ANKS1B: variants seen among roughly 807,000 people sequenced by gnomAD.
ANKS1B encodes ankyrin repeat and sterile alpha motif domain containing 1B.
Under a neutral mutation model 148.3 loss-of-function variants are expected in ANKS1B, and 36 were observed. That is an observed-to-expected ratio of 0.24 (90% CI 0.19 to 0.32). The LOEUF (loss-of-function observed/expected upper bound fraction) is 0.32. Ranked by LOEUF, ANKS1B falls within the 10% of genes least tolerant of loss-of-function variation. The probability of loss-of-function intolerance (pLI) is 1.00; values close to 1 mark genes in which losing one functional copy is unlikely to be tolerated. For synonymous variants in ANKS1B, 542 were observed against 560.8 expected (o/e 0.97, Z 0.47); for missense variants, 1,157 against 1,542.6 (o/e 0.75, Z 4.19).
intron 14 of ANKS1B, among the ~76,000 whole-genome samples, chr12:99,228,799 T>A (rs2086369379): frequency 6.6e-6 from 1 of 151,990 alleles, no homozygotes. Flanking sequence ...CTATTTTGAC[T>A]CAAAACTGAT....
chr12:99,666,207 C>T (rs75057130), intron 8 of ANKS1B, among the ~76,000 whole-genome samples: 2,924 of 152,182 alleles, frequency 0.019, 106 homozygotes, highest in African/African-American at 0.066. Context: ...CATTGATAGA[C>T]GTTTATAAGC....
intron 17 of ANKS1B, among the ~76,000 whole-genome samples, chr12:99,013,883 G>C (rs1235040424): frequency 6.6e-6 from 1 of 152,030 alleles, no homozygotes; most frequent in Non-Finnish European, 1.5e-5. Context: ...CAAACAAAGG[G>C]AAAAACAATC....
At chr12:99,813,464 G>T (rs1372465092) in intron 2 of ANKS1B, among the ~76,000 whole-genome samples, 2 of 151,204 alleles carry the variant, frequency 1.3e-5, no homozygotes, top group African/African-American at 4.8e-5. Context: ...GAACATAACA[G>T]ATTTACATTT....
chr12:98,972,462 T>C (rs559498534), intron 17 of ANKS1B, among the ~76,000 whole-genome samples: 31 of 152,320 alleles, frequency 2.0e-4, no homozygotes, highest in African/African-American at 6.5e-4. Flanking sequence ...ATGGTAAGGT[T>C]GACTGTATCA....
At chr12:99,028,240 C>G (rs893659600) in intron 17 of ANKS1B, among the ~76,000 whole-genome samples, 1 of 152,180 alleles carries the variant, frequency 6.6e-6, no homozygotes, top group Admixed American at 6.5e-5. Context: ...CTTTTCTATT[C>G]CTCCTGCAAT....
intron 11 of ANKS1B, among the ~76,000 whole-genome samples, chr12:99,419,199 A>T (rs1433617967): frequency 6.6e-6 from 1 of 152,128 alleles, no homozygotes; most frequent in Non-Finnish European, 1.5e-5. Flanking sequence ...TCTTCTTTAA[A>T]TGTTGTTATA....
intron 14 of ANKS1B, among the ~76,000 whole-genome samples, chr12:99,159,694 A>G (rs913506834): frequency 6.6e-6 from 1 of 152,176 alleles, no homozygotes; most frequent in Non-Finnish European, 1.5e-5. Context: ...TGAACATATG[A>G]GCACAGATAC....
chr12:99,220,445 ATTTC>A lies in ANKS1B; in HGVS notation c.2419+23893_2419+23896del, dbSNP rs1425296491. On this transcript the variant is annotated intron_variant, in intron 14 of 26. Coordinates refer to ENST00000683438, the MANE Select transcript of ANKS1B (RefSeq NM_001352186.2). ...GCATCAAGCATACAATAAAAGTAGCATTTCTTTTTTTTTTTTTTTTTTTTGAGAT... is the reference window on the plus strand; with the variant it reads ...GCATCAAGCATACAATAAAAGTAGCATTTTTTTTTTTTTTTTTTTTGAGAT... 5.9e-5 allele frequency among the ~76,000 whole-genome samples: 8 copies of A among 135,798 alleles called. No homozygotes were observed. The East Asian group carries it at 1.6e-3, about 27-fold the overall frequency. 89.1% of individuals were successfully genotyped at this position (135,798 alleles called of 152,430 possible).
chr12:98,945,261 C>T (rs867855308), intron 17 of ANKS1B, among the ~76,000 whole-genome samples: 18 of 152,024 alleles, frequency 1.2e-4, no homozygotes, highest in South Asian at 1.0e-3. Flanking sequence ...TTTGGGAGAT[C>T]GAGATGGGCA....
At chr12:99,110,934 G>A (rs1380882017) in intron 15 of ANKS1B, among the ~76,000 whole-genome samples, 2 of 152,092 alleles carry the variant, frequency 1.3e-5, no homozygotes, top group Non-Finnish European at 2.9e-5. Context: ...TGCCTTTTCT[G>A]CTCTCCATTC....
chr12:99,210,351 C>T (rs1399409256), intron 14 of ANKS1B, among the ~76,000 whole-genome samples: 1 of 152,160 alleles, frequency 6.6e-6, no homozygotes, highest in Non-Finnish European at 1.5e-5. Flanking sequence ...AAACTCTTAG[C>T]CCTCTTAATT....
downstream of ANKS1B, among the ~76,000 whole-genome samples, chr12:98,743,356 A>G (rs568954215): frequency 1.3e-5 from 2 of 152,314 alleles, no homozygotes; most frequent in East Asian, 1.9e-4. Flanking sequence ...CAGATTTATC[A>G]TAGAATACAA....
chr12:99,315,105 T>C (rs957738995), intron 12 of ANKS1B, among the ~76,000 whole-genome samples: 2 of 151,628 alleles, frequency 1.3e-5, no homozygotes, highest in African/African-American at 4.8e-5. Flanking sequence ...TAGCTGGGCG[T>C]GGTGGTGCAT....
At chr12:98,916,230 T>C (rs1353490058) in intron 17 of ANKS1B, among the ~76,000 whole-genome samples, 1 of 152,134 alleles carries the variant, frequency 6.6e-6, no homozygotes, top group Non-Finnish European at 1.5e-5. Flanking sequence ...CAATCCAAGG[T>C]TTAGAACAGA....
chr12:98,771,030 T>C (rs938153798), intron 25 of ANKS1B, among the ~76,000 whole-genome samples: 1 of 152,244 alleles, frequency 6.6e-6, no homozygotes, highest in Non-Finnish European at 1.5e-5. Flanking sequence ...CTTGAGGGCA[T>C]ATCAATCTTA....
chr12:99,868,143 C>A (rs1294644800), intron 1 of ANKS1B, among the ~76,000 whole-genome samples: 1 of 152,044 alleles, frequency 6.6e-6, no homozygotes, highest in African/African-American at 2.4e-5. Flanking sequence ...ATGAAACTGC[C>A]TTGGACTGAT....
intron 12 of ANKS1B, among the ~76,000 whole-genome samples, chr12:99,293,329 C>T (rs2080319645): frequency 6.7e-6 from 1 of 149,988 alleles, no homozygotes; most frequent in African/African-American, 2.5e-5. Flanking sequence ...GGGTGGGGAA[C>T]ATCACACACT....
At chr12:99,233,503 G>A (rs1566692937) in intron 14 of ANKS1B, among the ~76,000 whole-genome samples, 1 of 152,070 alleles carries the variant, frequency 6.6e-6, no homozygotes, top group Non-Finnish European at 1.5e-5. Context: ...CTGAAGAACA[G>A]GGTGTTCTGC....
intron 17 of ANKS1B, among the ~76,000 whole-genome samples, chr12:98,972,667 C>G (rs542570098): frequency 1.2e-3 from 187 of 152,168 alleles, no homozygotes; most frequent in African/African-American, 4.1e-3. Flanking sequence ...ATTCCAGCTG[C>G]CAGAAGGATA....
Sources: allele counts gnomAD v4.1 joint callset (sites outside exome capture counted in the v4.1 genomes callset), GRCh38; gene constraint gnomAD v4.1.1; transcripts MANE v1.5; gene names NCBI Gene and HGNC (gene_info 2026-07-23, HGNC 2026-07-21).